FBN3: variants seen among roughly 807,000 people sequenced by gnomAD.
FBN3 encodes fibrillin 3, also known as fibrillin-3.
In FBN3, 234 loss-of-function variants were observed where a neutral mutation model predicts 330.1. The observed-to-expected ratio is 0.71, with a 90% CI of 0.64 to 0.79. The LOEUF (loss-of-function observed/expected upper bound fraction) is 0.79. FBN3 is among the 30% of genes least tolerant of loss of function. The pLI is 0.00. For missense variants in FBN3, 3,606 were observed against 3,886.9 expected, an observed-to-expected ratio of 0.93 and a Z score of 1.92; for synonymous variants, 1,458 against 1,517.3, an observed-to-expected ratio of 0.96 and a Z score of 0.91.
At chr19:8,073,648 C>T (rs1411614553) in intron 61 of FBN3, among the ~76,000 whole-genome samples, 1 of 152,184 alleles carries the variant, frequency 6.6e-6, no homozygotes, top group Admixed American at 6.5e-5. Flanking sequence ...TCCCTGGCTT[C>T]CACCCGCTTG....
Position 8,126,823 on chromosome 19 carries a change from T to G in FBN3, c.2306A>C (p.Glu769Ala). The change falls in exon 19 of 64, where the codon GAA (glutamate) becomes GCA (alanine). Residue 769 changes from glutamate (E) to alanine (A), a missense_variant. By Grantham distance (107) the Glu-to-Ala change is moderately radical (BLOSUM62 -1). Transcript: ENST00000600128. ...ACTCACACACGGGCTGGACAGGCAT[T>G]CGTCGACATCTGTGGGGACAGCCCC... ...QDTEICKDVD[E>A]CLSSPCVSGV... 1 of 1,561,454 alleles carries G rather than the reference T, an allele frequency of 6.4e-7. No individual in the cohort carries two copies. The highest frequency in any genetic ancestry group is 2.2e-5 in the East Asian group (1 of 44,556).
chr19:8,070,849 C>G (rs112421577), intron 63 of FBN3, among the ~76,000 whole-genome samples: 2 of 151,962 alleles, frequency 1.3e-5, no homozygotes, highest in African/African-American at 4.8e-5. Context: ...ATGAAGAAAC[C>G]CCGTCTCTAC....
In FBN3 at chr19:8,121,447, C is replaced by A; in HGVS notation, c.3083-61G>T. Reference sequence around the variant, plus strand: ...GTGGGCCGCATCATGGGGCACGAGGCAGGGGGGTCCCTGTCCTTTGATGGA... The same window carrying A: ...GTGGGCCGCATCATGGGGCACGAGGAAGGGGGGTCCCTGTCCTTTGATGGA... On this transcript the variant is annotated intron_variant, in intron 24 of 63. Transcript: ENST00000600128. This position sits in a 1 kb window ranked among gnomAD's most constrained non-coding sequence, Gnocchi z 4.5. The A allele has an allele frequency of 2.7e-6, 4 of 1,475,224 alleles. No homozygotes were observed. Among genetic ancestry groups the A allele is most frequent in the Non-Finnish European group, 3.6e-6 (4 of 1,101,590 alleles). 91.4% of individuals were successfully genotyped at this position (1,475,224 alleles called of 1,614,324 possible).
rs184683769 is a variant in FBN3, at chr19:8,111,143, G to A, written c.4125C>T (p.Asn1375=). The A allele has an allele frequency of 1.6e-5, 25 of 1,612,386 alleles. No individual in the cohort carries two copies. In the Middle Eastern group the frequency reaches 4.9e-4, roughly 32 times the overall value. The change falls in exon 33 of 64, where the codon AAC becomes AAT. Residue 1375 remains asparagine (N), a synonymous_variant. Coordinates refer to ENST00000600128, the MANE Select transcript of FBN3 (RefSeq NM_032447.5). ...CGCCGGGCGCATTGAGGCACTGCCCGTTGTCACAGAGGTCCACGTTCTCGG... is the reference window on the plus strand; with the variant it reads ...CGCCGGGCGCATTGAGGCACTGCCCATTGTCACAGAGGTCCACGTTCTCGG... The part of the protein sequence containing the change: ...ECAENVDLCD[N]GQCLNAPGGY...
At chr19:8,067,534 G>A (rs11669144) in intron 63 of FBN3, among the ~76,000 whole-genome samples, 28,016 of 152,176 alleles carry the variant, frequency 0.18, 3,279 homozygotes, top group Middle Eastern at 0.3. Flanking sequence ...CTACTTAGGA[G>A]GCTGATGTGG....
chr19:8,126,437 G>C, intron 20 of FBN3, 31 bp downstream of exon 20: 2 of 1,602,612 alleles, frequency 1.2e-6, no homozygotes, highest in Non-Finnish European at 8.5e-7. Context: ...TTTTCCCATG[G>C]GTGCCTGGGA....
chr19:8,104,202 A>G (rs781421416), intron 38 of FBN3, among the ~76,000 whole-genome samples: 10 of 150,320 alleles, frequency 6.7e-5, no homozygotes, highest in Non-Finnish European at 1.2e-4. Context: ...AGCTGGATGC[A>G]GTGGCTCATG....
intron 38 of FBN3, among the ~76,000 whole-genome samples, chr19:8,104,165 G>GAAAA (rs34779277): frequency 1.7e-5 from 2 of 121,194 alleles, no homozygotes; most frequent in Non-Finnish European, 3.3e-5. Flanking sequence ...GACATTAAGT[G>GAAAA]AAAAAAAAAA....
At chr19:8,067,074 G>A (rs1052498429) in intron 63 of FBN3, among the ~76,000 whole-genome samples, 1 of 151,940 alleles carries the variant, frequency 6.6e-6, no homozygotes, top group Non-Finnish European at 1.5e-5. Flanking sequence ...CACTTTTGGA[G>A]GCTGTGGCAG....
In FBN3 at chr19:8,136,306, A is replaced by C; in HGVS notation, c.1349T>G (p.Val450Gly). Residue 450 changes from valine (V) to glycine (G), a missense_variant, in exon 12 of 64, where the codon GTA becomes GGA. By Grantham distance (109) the Val-to-Gly change is moderately radical. Transcript: ENST00000600128. ...TQDVRGECID[V>G]DECTSSPCHH... ...GCAGGGGCTGCTGGTGCATTCGTCTACATCTGAGGGGAGAGGACCCTGAGC... is the reference window on the plus strand; with the variant it reads ...GCAGGGGCTGCTGGTGCATTCGTCTCCATCTGAGGGGAGAGGACCCTGAGC... The C allele has an allele frequency of 6.2e-6, 10 of 1,602,084 alleles. No individual in the cohort carries two copies. Among genetic ancestry groups the C allele is most frequent in the Non-Finnish European group, 8.5e-6 (10 of 1,174,544 alleles).
rs147683023 is a variant in FBN3 at position 8,081,045 on chromosome 19, G to A, written c.7411C>T (p.Arg2471Cys). Residue 2471 changes from arginine (R) to cysteine (C), a missense_variant, in exon 59 of 64, where the codon CGC (arginine) becomes TGC (cysteine). By Grantham distance (180) the Arg-to-Cys change is radical. Transcript: ENST00000600128. ...TGCTGGGTGAAGCCGGGCGGACAGC[G>A]GCAGGTGAAGGCGCCCACAGTGTTG... ...CVNTVGAFTC[R>C]CPPGFTQHHQ... 601 of 1,613,398 alleles carry A rather than the reference G, an allele frequency of 3.7e-4. 4 individuals are homozygous for A. The African/African-American group carries it at 6.7e-3, about 18-fold the overall frequency.
intron 13 of FBN3, 26 bp downstream of exon 13, chr19:8,135,935 T>TA: frequency 7.4e-7 from 1 of 1,344,146 alleles, no homozygotes; most frequent in Non-Finnish European, 1.0e-6. Context: ...CGGAAGCCCC[T>TA]GCCCACCCGC....
Position 8,106,108 on chromosome 19 carries a change from C to A in FBN3, c.4813G>T (p.Asp1605Tyr). Residue 1605 changes from aspartate to tyrosine, a missense_variant and splice_region_variant, in exon 38 of 64, where the codon GAT (aspartate) becomes TAT (tyrosine). Coordinates refer to ENST00000600128, the MANE Select transcript of FBN3 (RefSeq NM_032447.5). Reference sequence around the variant, plus strand: ...CACCCCAAAGAGAATCCATGCTCACCCTCACAGATGCGGGTGTGCTCACTG... The same window carrying A: ...CACCCCAAAGAGAATCCATGCTCACACTCACAGATGCGGGTGTGCTCACTG... ...HLSEHTRICE[D>Y]IDECSTHSGI... The A allele has an allele frequency of 6.2e-7, 1 of 1,614,070 alleles. No homozygotes were observed. Among genetic ancestry groups the A allele is most frequent in the South Asian group, 1.1e-5 (1 of 91,064 alleles).
At chr19:8,107,474 AGGATGGAT>A (rs150449542) in intron 37 of FBN3, among the ~76,000 whole-genome samples, 57 of 143,238 alleles carry the variant, frequency 4.0e-4, no homozygotes, top group African/African-American at 1.2e-3. Context: ...GTCGAGTGGA[AGGATGGAT>A]GGATGGATGG....
At position 8,147,502 on chromosome 19, in the gene FBN3, G is replaced by T; in HGVS notation, c.-17-5C>A. ...TCATGGCGTGTCCCCTGGAGGCTGC[G>T]GAGAGGAAGCAGAGTCAGCCCTAGA... On this transcript the variant is annotated splice_polypyrimidine_tract_variant and splice_region_variant and intron_variant, in intron 1 of 63. Coordinates refer to ENST00000600128, the MANE Select transcript of FBN3 (RefSeq NM_032447.5). The T allele has an allele frequency of 6.9e-7, 1 of 1,443,760 alleles. No homozygotes were observed. Among genetic ancestry groups the T allele is most frequent in the East Asian group, 2.5e-5 (1 of 40,006 alleles). 89.4% of individuals were successfully genotyped at this position (1,443,760 alleles called of 1,614,324 possible).
At chr19:8,078,515 G>A (rs1406142412) in intron 59 of FBN3, among the ~76,000 whole-genome samples, 1 of 151,982 alleles carries the variant, frequency 6.6e-6, no homozygotes, top group Admixed American at 6.6e-5. Flanking sequence ...CTTGCTCCAC[G>A]GATGTTACCC....
intron 21 of FBN3, 139 bp downstream of exon 21, chr19:8,126,158 G>A (rs2082976365): frequency 7.0e-7 from 1 of 1,435,822 alleles, no homozygotes; most frequent in Non-Finnish European, 9.6e-7. Flanking sequence ...AGAAGGCCTG[G>A]GGACCAGGTA....
Position 8,131,112 on chromosome 19 carries a change from G to A in FBN3, c.2044+123C>T, listed in dbSNP as rs1599417648. 7.3e-6 allele frequency: 6 copies of A among 820,256 alleles called. No homozygotes were observed. The highest frequency in any genetic ancestry group is 5.4e-5 in the East Asian group (2 of 37,232). 50.8% of individuals were successfully genotyped at this position (820,256 alleles called of 1,614,324 possible). ...AGAATCAGCTTCTGTTGTTGAAGCCGTCTGGTCTGGGGCACTTTGTTACGG... is the reference window on the plus strand; with the variant it reads ...AGAATCAGCTTCTGTTGTTGAAGCCATCTGGTCTGGGGCACTTTGTTACGG... On this transcript the variant is annotated intron_variant, in intron 16 of 63. Transcript: ENST00000600128. The surrounding 1 kb of genome is among the most constrained non-coding windows in gnomAD (Gnocchi z 4.5).
At position 8,124,014 on chromosome 19, in the gene FBN3, C is replaced by A; in HGVS notation, c.2732-6G>T. 1.2e-6 allele frequency: 2 copies of A among 1,610,292 alleles called. No individual in the cohort carries two copies. Among genetic ancestry groups the A allele is most frequent in the Non-Finnish European group, 8.5e-7 (1 of 1,178,104 alleles). ...ACATGGTTCCAATCTCACATCTGCA[C>A]GGGGGACAGTCACTGCGTCCCCACC... is the stretch of plus-strand genomic sequence containing the variant. On this transcript the variant is annotated splice_region_variant and splice_polypyrimidine_tract_variant and intron_variant, in intron 22 of 63. Coordinates refer to ENST00000600128, the MANE Select transcript of FBN3 (RefSeq NM_032447.5).
Sources: allele counts gnomAD v4.1 joint callset (sites outside exome capture counted in the v4.1 genomes callset), GRCh38; gene constraint gnomAD v4.1.1; non-coding constraint Gnocchi (gnomAD v3.1); transcripts MANE v1.5; gene names NCBI Gene and HGNC (gene_info 2026-07-23, HGNC 2026-07-21).